BTBD2: variants seen among roughly 807,000 people sequenced by gnomAD.
The protein encoded by BTBD2 is BTB domain containing 2, also known as BTB/POZ domain-containing protein 2.
In BTBD2, 15 loss-of-function variants were observed where a neutral mutation model predicts 44.0. The observed-to-expected ratio is 0.34, with a 90% CI of 0.23 to 0.53. BTBD2 has a LOEUF of 0.53. Among genes scored for constraint, BTBD2 ranks in the 20% least tolerant of loss-of-function variants. The probability of loss-of-function intolerance (pLI) is 0.95; values close to 1 mark genes in which losing one functional copy is unlikely to be tolerated. For synonymous variants in BTBD2, 443 were observed against 335.9 expected (o/e 1.32, Z -3.49); for missense variants, 657 against 746.4 (o/e 0.88, Z 1.39).
Position 1,986,816 on chromosome 19 carries a change from C to A in BTBD2, c.1416+14G>T. On this transcript the variant is annotated intron_variant, in intron 8 of 8. Transcript: ENST00000255608. ...GAGACTCCCACGGAGGGACCCCTGT[C>A]CCCGGCGGCGCACCTTGAGCGTGGC... The A allele has an allele frequency of 6.3e-7, 1 of 1,596,252 alleles. No homozygotes were observed. Among genetic ancestry groups the A allele is most frequent in the Non-Finnish European group, 8.5e-7 (1 of 1,170,906 alleles).
In BTBD2 at chr19:1,987,265, G is replaced by A; in HGVS notation, c.1182-12C>T. On this transcript the variant is annotated splice_polypyrimidine_tract_variant and intron_variant, in intron 6 of 8. Transcript: ENST00000255608. ...TGTTGACTGAGAACCTGCCGTGGCA[G>A]ATGACAGGCAGCAGCGTGGATACCC... The A allele has an allele frequency of 1.9e-6, 3 of 1,613,590 alleles. No individual in the cohort carries two copies. The highest frequency in any genetic ancestry group is 2.5e-6 in the Non-Finnish European group (3 of 1,179,720).
chr19:1,989,424 G>A (rs995033111), intron 5 of BTBD2: 19 of 156,536 alleles, frequency 1.2e-4, no homozygotes, highest in Admixed American at 1.1e-3. Context: ...AGCGGGGGCC[G>A]CGTGGACCTG....
In BTBD2 at chr19:1,989,340, G is replaced by A. The variant is rs778959931; in HGVS notation, c.988+664C>T. 2.7e-4 allele frequency: 42 copies of A among 154,336 alleles called. 1 individual carries two copies. The highest frequency in any genetic ancestry group is 3.2e-4 in the Admixed American group (5 of 15,532). The allele number at this position is 154,336 out of a possible 1,614,324, so 9.6% of individuals were successfully genotyped here. A position where few individuals can be genotyped will look rare whatever the true frequency, so the allele number is the denominator to read the frequency against. On this transcript the variant is annotated intron_variant, in intron 5 of 8. Coordinates refer to ENST00000255608, the MANE Select transcript of BTBD2 (RefSeq NM_017797.4). ...CAGGAGGTCGAGGCTGCAGTGAGCT[G>A]TGATTGTACCACCGCACTCAGCCTG...
At position 1,997,364 on chromosome 19, in the gene BTBD2, A is replaced by G. The variant is rs1610045; in HGVS notation, c.507T>C (p.Ala169=). Residue 169 remains alanine (A), a synonymous_variant, in exon 2 of 9, where the codon GCT becomes GCC. Transcript: ENST00000255608. ...TEIELPDVEP[A]AFLALLKFLY... Reference sequence around the variant, plus strand: ...ATTACTTGAGCAGTGCGAGGAAGGCAGCGGGTTCCACGTCGGGCAGCTCAA... The same window carrying G: ...ATTACTTGAGCAGTGCGAGGAAGGCGGCGGGTTCCACGTCGGGCAGCTCAA... 559,650 of 1,613,790 alleles carry G rather than the reference A, an allele frequency of 0.35. 101,035 individuals carry two copies. Among genetic ancestry groups the G allele is most frequent in the African/African-American group, 0.57 (42,614 of 74,926 alleles).
intron 1 of BTBD2, among the ~76,000 whole-genome samples, chr19:2,010,363 G>C (rs1433426479): frequency 3.3e-5 from 5 of 152,156 alleles, no homozygotes; most frequent in Admixed American, 3.3e-4. Context: ...TGCCCATCCA[G>C]GACCGGGGAA....
Position 1,990,214 on chromosome 19 carries a change from G to A in BTBD2, c.791-13C>T, listed in dbSNP as rs776156989. ...GCCACCAGCGTGTCTGTGGGGTGGA[G>A]GAAGGGGCTGCGTGAACACGACACC... On this transcript the variant is annotated splice_polypyrimidine_tract_variant and intron_variant, in intron 4 of 8. Coordinates refer to ENST00000255608, the MANE Select transcript of BTBD2 (RefSeq NM_017797.4). 80 of 1,581,600 alleles carry A rather than the reference G, an allele frequency of 5.1e-5. No homozygotes were observed. The highest frequency in any genetic ancestry group is 6.9e-5 in the Non-Finnish European group (80 of 1,165,214).
intron 1 of BTBD2, among the ~76,000 whole-genome samples, chr19:2,004,569 T>A (rs1377472145): frequency 6.6e-6 from 1 of 151,056 alleles, no homozygotes; most frequent in African/African-American, 2.4e-5. Flanking sequence ...AGTGCTGGGA[T>A]TACAGGCGTG....
chr19:1,990,614 C>T, intron 4 of BTBD2, 103 bp downstream of exon 4: 3 of 1,091,228 alleles, frequency 2.7e-6, no homozygotes, highest in Admixed American at 2.2e-5. Context: ...GGCCCCAGCT[C>T]ACCTGTGCAA....
At chr19:2,011,492 G>C (rs1344514263) in intron 1 of BTBD2, among the ~76,000 whole-genome samples, 1 of 151,938 alleles carries the variant, frequency 6.6e-6, no homozygotes, top group Admixed American at 6.6e-5. Context: ...CTGGGCTCTG[G>C]GCCTTCCATC....
At chr19:1,993,273 C>T (rs771199126) in intron 2 of BTBD2, 97 bp from the exon 3 acceptor site, 53 of 1,438,356 alleles carry the variant, frequency 3.7e-5, no homozygotes, top group Non-Finnish European at 4.6e-5. Flanking sequence ...ACTCGGCCAC[C>T]GGCCCTTGAG....
At chr19:2,007,559 G>A (rs1269078981) in intron 1 of BTBD2, among the ~76,000 whole-genome samples, 1 of 152,140 alleles carries the variant, frequency 6.6e-6, no homozygotes, top group East Asian at 1.9e-4. Context: ...CCTTAGGCCA[G>A]GGACGGTAGC....
At chr19:2,000,128 C>T (rs1448506699) in intron 1 of BTBD2, among the ~76,000 whole-genome samples, 1 of 152,178 alleles carries the variant, frequency 6.6e-6, no homozygotes, top group African/African-American at 2.4e-5. Flanking sequence ...GAGCGCCGCC[C>T]TCGGACGCCT....
intron 1 of BTBD2, among the ~76,000 whole-genome samples, chr19:2,007,152 A>G (rs35192867): frequency 0.2 from 30,958 of 151,602 alleles, 3,581 homozygotes; most frequent in East Asian, 0.3. Flanking sequence ...CACTGCGCCC[A>G]GCCACTTTTT....
chr19:1,993,255 A>C, intron 2 of BTBD2, 79 bp from the exon 3 acceptor site: 1 of 1,487,886 alleles, frequency 6.7e-7, no homozygotes. Context: ...GACCACTCAG[A>C]CCGTTAGACT....
intron 1 of BTBD2, among the ~76,000 whole-genome samples, chr19:2,005,286 T>G (rs562322493): frequency 6.6e-6 from 1 of 152,162 alleles, no homozygotes; most frequent in East Asian, 1.9e-4. Flanking sequence ...TTCTCCTGGA[T>G]AAATGCCTCG....
intron 5 of BTBD2, among the ~76,000 whole-genome samples, chr19:1,989,203 T>C (rs2016136986): frequency 6.6e-6 from 1 of 152,066 alleles, no homozygotes; most frequent in South Asian, 2.1e-4. Context: ...CCAGCCCAGG[T>C]GACATAGCAA....
At chr19:1,987,345 A>T in intron 6 of BTBD2, 92 bp from the exon 7 acceptor site, 1 of 1,150,886 alleles carries the variant, frequency 8.7e-7, no homozygotes, top group Non-Finnish European at 1.2e-6. Flanking sequence ...GGTCCCCTCC[A>T]TCGTCCCTGA....
rs752556906 is a variant in BTBD2 at position 1,987,229 on chromosome 19, G to T, written c.1206C>A (p.Phe402Leu). The change falls in exon 7 of 9, where the codon TTC (phenylalanine) becomes TTA (leucine). Residue 402 changes from phenylalanine to leucine, a missense_variant. Around this residue, in one of 3 missense-constraint regions of BTBD2, gnomAD observed 449 missense variants for 510.9 expected, o/e 0.88. Transcript: ENST00000255608. ...RIRFSVNKRI[F>L]VVGFGLYGSI... ...ATCCATACAGCCCAAATCCCACCAC[G>T]AAGATGCGCTTGTTGACTGAGAACC... 55 of 1,613,718 alleles carry T rather than the reference G, an allele frequency of 3.4e-5. No homozygotes were observed. Among genetic ancestry groups the T allele is most frequent in the Non-Finnish European group, 4.7e-5 (55 of 1,179,866 alleles).
At chr19:2,010,741 G>A (rs2016453937) in intron 1 of BTBD2, among the ~76,000 whole-genome samples, 1 of 151,700 alleles carries the variant, frequency 6.6e-6, no homozygotes, top group African/African-American at 2.4e-5. Flanking sequence ...CCGGATTCAA[G>A]CCATCCTCCT....
Sources: allele counts gnomAD v4.1 joint callset (sites outside exome capture counted in the v4.1 genomes callset), GRCh38; gene constraint gnomAD v4.1.1; regional missense constraint gnomAD v4.1.1; transcripts MANE v1.5; gene names NCBI Gene and HGNC (gene_info 2026-07-23, HGNC 2026-07-21).